Variants in CDH12 observed in about 807,000 individuals in gnomAD.
CDH12 encodes the protein cadherin 12, also known as cadherin-12.
CDH12 carries 41 observed loss-of-function variants against 74.1 expected under a neutral mutation model. The ratio of observed to expected loss-of-function variants is 0.55; its 90% CI spans 0.43 to 0.72. The LOEUF (loss-of-function observed/expected upper bound fraction) is 0.72. Ranked by LOEUF, CDH12 falls within the 30% of genes least tolerant of loss-of-function variation. The pLI is 0.00. For synonymous variants in CDH12, 399 were observed against 355.0 expected (o/e 1.12, Z -1.39); for missense variants, 945 against 977.2 (o/e 0.97, Z 0.44).
intron 1 of CDH12, among the ~76,000 whole-genome samples, chr5:22,806,720 T>C (rs1374516445): frequency 1.3e-5 from 2 of 152,202 alleles, no homozygotes; most frequent in African/African-American, 4.8e-5. Flanking sequence ...ATTTCTCTAA[T>C]GACCAGTGAT....
At chr5:21,983,630 T>C (rs1757402454) in intron 5 of CDH12, among the ~76,000 whole-genome samples, 1 of 152,148 alleles carries the variant, frequency 6.6e-6, no homozygotes, top group African/African-American at 2.4e-5. Context: ...TTTTTATCAA[T>C]GATTATTTCC....
chr5:22,672,906 A>G (rs13157369), intron 1 of CDH12, among the ~76,000 whole-genome samples: 77,907 of 151,990 alleles, frequency 0.51, 20,660 homozygotes, highest in Non-Finnish European at 0.57. Flanking sequence ...AAGTGTTCAA[A>G]TACCTTGCAT....
intron 6 of CDH12, among the ~76,000 whole-genome samples, chr5:21,967,418 G>A (rs1756634608): frequency 6.6e-6 from 1 of 152,148 alleles, no homozygotes; most frequent in Non-Finnish European, 1.5e-5. Flanking sequence ...GTTTTTATAA[G>A]ACATATTTAA....
At chr5:21,918,362 T>C (rs1005805907) in intron 6 of CDH12, among the ~76,000 whole-genome samples, 1 of 152,198 alleles carries the variant, frequency 6.6e-6, no homozygotes, top group South Asian at 2.1e-4. Context: ...TTCCAAAGCA[T>C]ATTTTTGTCT....
intron 11 of CDH12, among the ~76,000 whole-genome samples, chr5:21,777,020 G>A (rs574239564): frequency 6.6e-6 from 1 of 152,136 alleles, no homozygotes; most frequent in South Asian, 2.1e-4. Flanking sequence ...TAAGGTTAAT[G>A]GACACATCAT....
intron 2 of CDH12, among the ~76,000 whole-genome samples, chr5:22,412,934 G>A (rs1464665917): frequency 6.6e-6 from 1 of 151,736 alleles, no homozygotes; most frequent in African/African-American, 2.4e-5. Flanking sequence ...TAAAATAGTT[G>A]ATGTTCATCC....
chr5:22,059,253 CTCTATCTATCTATCTATCTA>C (rs11438319), intron 5 of CDH12, among the ~76,000 whole-genome samples: 9 of 144,216 alleles, frequency 6.2e-5, no homozygotes, highest in Non-Finnish European at 3.0e-5. Context: ...TTTCCTTGTA[CTCTATCTATCTATCTATCTA>C]TCTATCTATC....
At chr5:22,271,998 A>C (rs1736422441) in intron 3 of CDH12, among the ~76,000 whole-genome samples, 1 of 152,194 alleles carries the variant, frequency 6.6e-6, no homozygotes, top group Admixed American at 6.5e-5. Flanking sequence ...ATTAGGCTCT[A>C]AGAGAGACAG....
At chr5:21,779,019 G>A (rs1745759042) in intron 11 of CDH12, among the ~76,000 whole-genome samples, 1 of 151,576 alleles carries the variant, frequency 6.6e-6, no homozygotes, top group Non-Finnish European at 1.5e-5. Context: ...TTTCAATATA[G>A]CATTTAGTAA....
At chr5:22,468,974 T>A (rs539308178) in intron 2 of CDH12, among the ~76,000 whole-genome samples, 1 of 152,308 alleles carries the variant, frequency 6.6e-6, no homozygotes, top group East Asian at 1.9e-4. Context: ...TTACTTCTAG[T>A]AAATTACATA....
intron 3 of CDH12, among the ~76,000 whole-genome samples, chr5:22,308,042 G>A (rs556810503): frequency 1.3e-5 from 2 of 151,456 alleles, no homozygotes; most frequent in East Asian, 2.0e-4. Flanking sequence ...CACCACGCCC[G>A]GCTAATTTTT....
chr5:22,400,231 T>A (rs1422048691), intron 3 of CDH12, among the ~76,000 whole-genome samples: 5 of 152,132 alleles, frequency 3.3e-5, no homozygotes, highest in South Asian at 4.1e-4. Flanking sequence ...GGATGTTGTT[T>A]TTTTTATTGT....
chr5:22,130,025 A>G (rs1357232929), intron 4 of CDH12, among the ~76,000 whole-genome samples: 1 of 151,878 alleles, frequency 6.6e-6, no homozygotes, highest in African/African-American at 2.4e-5. Flanking sequence ...GTTTTGCATG[A>G]AGAAAGATGA....
chr5:22,847,311 G>A (rs1316060363), intron 1 of CDH12, among the ~76,000 whole-genome samples: 1 of 152,138 alleles, frequency 6.6e-6, no homozygotes, highest in Admixed American at 6.6e-5. Flanking sequence ...TAGAGTTTCA[G>A]TAAAATCTTG....
intron 4 of CDH12, among the ~76,000 whole-genome samples, chr5:22,155,183 A>C (rs1035496451): frequency 6.6e-6 from 1 of 152,130 alleles, no homozygotes; most frequent in Non-Finnish European, 1.5e-5. Context: ...AGAAAGGCTC[A>C]TGTGATTAAA....
intron 1 of CDH12, among the ~76,000 whole-genome samples, chr5:22,698,795 C>A (rs1451917441): frequency 7.4e-6 from 1 of 135,666 alleles, no homozygotes; most frequent in African/African-American, 2.7e-5. Flanking sequence ...GATAATTTGA[C>A]AATTATTAGA....
intron 1 of CDH12, among the ~76,000 whole-genome samples, chr5:22,790,435 C>T (rs796208446): frequency 1.3e-5 from 2 of 152,150 alleles, no homozygotes; most frequent in African/African-American, 4.8e-5. Flanking sequence ...AGCCCAAAGC[C>T]TTACACTTCT....
chr5:21,869,011 C>A (rs1751479155), intron 6 of CDH12, among the ~76,000 whole-genome samples: 1 of 152,082 alleles, frequency 6.6e-6, no homozygotes, highest in African/African-American at 2.4e-5. Context: ...GTCTTAGTTC[C>A]AGAGAAAGGA....
chr5:22,555,564 A>G (rs1401017384), intron 1 of CDH12, among the ~76,000 whole-genome samples: 2 of 151,948 alleles, frequency 1.3e-5, no homozygotes, highest in African/African-American at 4.8e-5. Context: ...AAAATTTTTT[A>G]GAATCATGGA....
Sources: allele counts gnomAD v4.1 joint callset (sites outside exome capture counted in the v4.1 genomes callset), GRCh38; gene constraint gnomAD v4.1.1; transcripts MANE v1.5; gene names NCBI Gene and HGNC (gene_info 2026-07-23, HGNC 2026-07-21).